The following AFAP1 variants were observed in gnomAD, a reference collection of about 807,000 sequenced individuals.
The protein encoded by AFAP1 is actin filament-associated protein 1.
A neutral mutation model predicts 93.9 loss-of-function variants in AFAP1; 75 were observed. The observed-to-expected ratio is 0.80, with a 90% CI of 0.66 to 0.97. The LOEUF is 0.97. Among genes scored for constraint, AFAP1 ranks in the 50% least tolerant of loss-of-function variants. AFAP1 has a pLI of 0.00. For synonymous variants in AFAP1, 517 were observed against 430.7 expected (o/e 1.20, Z -2.48); for missense variants, 1,201 against 1,050.8 (o/e 1.14, Z -1.98).
chr4:7,931,469 G>T lies in AFAP1; in HGVS notation c.-3+8187C>A, dbSNP rs184635553. On this transcript the variant is annotated intron_variant, in intron 1 of 17. Transcript: ENST00000420658. ...TGCTGTGGTGCAATTGTAGCTTACTGCAGCCTCAAATTATTGGGATCAGGT... is the reference window on the plus strand; with the variant it reads ...TGCTGTGGTGCAATTGTAGCTTACTTCAGCCTCAAATTATTGGGATCAGGT... 9.2e-5 allele frequency among the ~76,000 whole-genome samples: 14 copies of T among 152,034 alleles called. 1 individual carries two copies. The East Asian group carries it at 2.7e-3, about 29-fold the overall frequency.
intron 9 of AFAP1, among the ~76,000 whole-genome samples, chr4:7,805,950 G>A (rs1719476030): frequency 6.6e-6 from 1 of 152,162 alleles, no homozygotes; most frequent in Non-Finnish European, 1.5e-5. Context: ...AGAATGAGGT[G>A]AGCCAGTCAA....
At chr4:7,796,887 C>T (rs1385739560) in intron 10 of AFAP1, among the ~76,000 whole-genome samples, 4 of 140,896 alleles carry the variant, frequency 2.8e-5, no homozygotes, top group African/African-American at 1.1e-4. Context: ...TGGTGAAACC[C>T]CGTCTCTACT....
chr4:7,907,251 C>T (rs1308979070), intron 1 of AFAP1, among the ~76,000 whole-genome samples: 1 of 152,138 alleles, frequency 6.6e-6, no homozygotes, highest in Non-Finnish European at 1.5e-5. Flanking sequence ...CCACTTACCC[C>T]TCAGCTGACA....
At chr4:7,822,582 TTTTC>T (rs1424239245) in intron 6 of AFAP1, among the ~76,000 whole-genome samples, 2 of 96,010 alleles carry the variant, frequency 2.1e-5, no homozygotes, top group African/African-American at 8.5e-5. Flanking sequence ...TCTTTTTCTT[TTTTC>T]TTTTTTTTTT....
chr4:7,841,218 T>C (rs1712969815), intron 5 of AFAP1, among the ~76,000 whole-genome samples: 1 of 152,046 alleles, frequency 6.6e-6, no homozygotes, highest in Admixed American at 6.5e-5. Flanking sequence ...CCAGTTTGAG[T>C]GGCCTCAGGG....
intron 6 of AFAP1, among the ~76,000 whole-genome samples, chr4:7,832,453 T>C (rs1711741529): frequency 6.6e-6 from 1 of 152,092 alleles, no homozygotes; most frequent in South Asian, 2.1e-4. Context: ...GACTGAAGGT[T>C]TGATGGAGGG....
intron 1 of AFAP1, among the ~76,000 whole-genome samples, chr4:7,930,206 C>T (rs560551891): frequency 1.3e-5 from 2 of 152,354 alleles, no homozygotes; most frequent in African/African-American, 2.4e-5. Flanking sequence ...ATGCAAGAGA[C>T]GCACAGGGCA....
In AFAP1 at chr4:7,762,176, C is replaced by T. The variant is rs1252777046; in HGVS notation, c.*1589G>A. On this transcript the variant is annotated 3_prime_UTR_variant, in exon 18 of 18. Coordinates refer to ENST00000420658, the MANE Select transcript of AFAP1 (RefSeq NM_001134647.2). Reference sequence around the variant, plus strand: ...CCCTTGCAGGCCTCAAGCGCCACCACCTTAAACATGAATCCTAACTGTAAA... The same window carrying T: ...CCCTTGCAGGCCTCAAGCGCCACCATCTTAAACATGAATCCTAACTGTAAA... 1.3e-5 allele frequency: 2 copies of T among 152,240 alleles called. No individual in the cohort carries two copies. Among genetic ancestry groups the T allele is most frequent in the Non-Finnish European group, 1.5e-5 (1 of 68,048 alleles). The allele number at this position is 152,240 out of a possible 1,614,324, so 9.4% of individuals were successfully genotyped here.
In AFAP1 at chr4:7,781,626, C is replaced by T. The variant is rs1456083935; in HGVS notation, c.1532G>A (p.Trp511Ter). 6.4e-7 allele frequency: 1 copy of T among 1,551,684 alleles called. No individual in the cohort carries two copies. The highest frequency in any genetic ancestry group is 1.2e-5 in the South Asian group (1 of 84,054). Residue 511 changes from tryptophan to a stop codon, truncating the protein, a stop_gained and splice_region_variant, in exon 13 of 18, where the codon TGG becomes TAG. Transcript: ENST00000420658. LOFTEE classifies it high-confidence loss of function. ...YDDVPCINGS[W>*]EPEDGFPASC... The stretch of plus-strand genomic sequence containing the variant: ...AGCAGGAAAGCCGTCTTCCGGTTCC[C>T]ACTGCAACACACATAGCTTTGTGGT...
chr4:7,834,868 G>A (rs1011680674), intron 6 of AFAP1, among the ~76,000 whole-genome samples: 3 of 152,220 alleles, frequency 2.0e-5, no homozygotes, highest in Non-Finnish European at 4.4e-5. Flanking sequence ...AATGGACTGC[G>A]GGTGGCCTTA....
At chr4:7,772,539 G>C in intron 16 of AFAP1, 1 of 345,194 alleles carries the variant, frequency 2.9e-6, no homozygotes, top group Non-Finnish European at 5.2e-6. Flanking sequence ...AGAGACACGA[G>C]GACTGGATCT....
intron 6 of AFAP1, among the ~76,000 whole-genome samples, chr4:7,822,003 T>C (rs912376819): frequency 6.6e-6 from 1 of 152,220 alleles, no homozygotes; most frequent in African/African-American, 2.4e-5. Flanking sequence ...AATGCAGTGA[T>C]CTGTGTGTCT....
At chr4:7,912,393 G>A (rs1459256086) in intron 1 of AFAP1, among the ~76,000 whole-genome samples, 2 of 152,186 alleles carry the variant, frequency 1.3e-5, no homozygotes, top group Non-Finnish European at 2.9e-5. Flanking sequence ...TTTCCAGAAT[G>A]GCTGTGCCAT....
At chr4:7,881,885 GC>G (rs752870279) in intron 1 of AFAP1, among the ~76,000 whole-genome samples, 3 of 152,028 alleles carry the variant, frequency 2.0e-5, no homozygotes, top group Admixed American at 6.6e-5. Context: ...TGGGTAAGTA[GC>G]CCCCCCAAAT....
intron 1 of AFAP1, among the ~76,000 whole-genome samples, chr4:7,935,570 TTCATC>T (rs1721326863): frequency 6.6e-6 from 1 of 152,124 alleles, no homozygotes; most frequent in African/African-American, 2.4e-5. Context: ...CTAAGAAAAC[TTCATC>T]TCTGACCTTC....
At chr4:7,873,365 T>A (rs1184918139) in intron 1 of AFAP1, among the ~76,000 whole-genome samples, 1 of 116,398 alleles carries the variant, frequency 8.6e-6, no homozygotes, top group Admixed American at 8.5e-5. Context: ...TTTTTTTTTT[T>A]TTTGAGACGG....
intron 1 of AFAP1, among the ~76,000 whole-genome samples, chr4:7,874,731 G>A (rs948755834): frequency 4.0e-5 from 6 of 151,538 alleles, no homozygotes; most frequent in Middle Eastern, 3.2e-3. Flanking sequence ...CAGTCTGAGT[G>A]AAGAAGTAAA....
chr4:7,939,588 A>G lies in AFAP1; in HGVS notation c.-3+68T>C. Reference sequence around the variant, plus strand: ...CCGGACCCTGCGGAGCCCCGCTCGGAGCTTCCACGCCCGGGGCAGAGACCC... The same window carrying G: ...CCGGACCCTGCGGAGCCCCGCTCGGGGCTTCCACGCCCGGGGCAGAGACCC... On this transcript the variant is annotated intron_variant, in intron 1 of 17. Transcript: ENST00000420658. This position sits in a 1 kb window ranked among gnomAD's most constrained non-coding sequence, Gnocchi z 5.6. 2.5e-6 allele frequency: 1 copy of G among 395,152 alleles called. No individual in the cohort carries two copies. The highest frequency in any genetic ancestry group is 3.0e-5 in the Admixed American group (1 of 33,206). 24.5% of individuals were successfully genotyped at this position (395,152 alleles called of 1,614,324 possible). A position where few individuals can be genotyped will look rare whatever the true frequency, so the allele number is the denominator to read the frequency against.
chr4:7,773,168 T>A, intron 15 of AFAP1, 158 bp from the exon 16 acceptor site: 2 of 1,177,942 alleles, frequency 1.7e-6, no homozygotes, highest in Non-Finnish European at 2.3e-6. Flanking sequence ...AGCAGTTCTC[T>A]AAGGGATCAG....
Sources: gnomAD v4.1 joint callset for allele counts (sites outside exome capture counted in the v4.1 genomes callset) on GRCh38, gnomAD v4.1.1 for gene constraint, Gnocchi (gnomAD v3.1) non-coding constraint, MANE v1.5 for transcripts, NCBI Gene and HGNC (gene_info 2026-07-23, HGNC 2026-07-21) for gene names.